The following RPS24 variants were observed in gnomAD, a reference collection of about 807,000 sequenced individuals.
RPS24 encodes small ribosomal subunit protein eS24.
For synonymous variants in RPS24, 72 were observed against 55.6 expected (o/e 1.30, Z -1.31); for missense variants, 100 against 162.5 (o/e 0.62, Z 2.09).
downstream of RPS24, among the ~76,000 whole-genome samples, chr10:78,045,441 C>T (rs1249250389): frequency 3.9e-5 from 6 of 152,062 alleles, no homozygotes; most frequent in South Asian, 2.1e-4. Flanking sequence ...GTCTGCTATC[C>T]GGGCTAGATG....
exon 5 of RPS24, chr10:78,055,124 C>T: frequency 7.0e-7 from 1 of 1,426,470 alleles, no homozygotes; most frequent in Non-Finnish European, 9.1e-7. Context: ...TGAGCTGGCA[C>T]CTCTGTTCAG....
chr10:78,040,687 T>C lies in RPS24; in HGVS notation c.*92T>C. ...ATTTTTCGCAAGAACATTAATAAAC[T>C]AAAAACTTCATGTGTCTGGTTGTTT... is the stretch of plus-strand genomic sequence containing the variant. On this transcript the variant is annotated 3_prime_UTR_variant, in exon 6 of 6. Transcript: ENST00000372360. 6.2e-7 allele frequency: 1 copy of C among 1,613,246 alleles called. No individual in the cohort carries two copies. The highest frequency in any genetic ancestry group is 8.5e-7 in the Non-Finnish European group (1 of 1,179,222).
intron 4 of RPS24, chr10:78,037,642 T>G: frequency 3.0e-6 from 1 of 330,068 alleles, no homozygotes; most frequent in Non-Finnish European, 5.8e-6. Flanking sequence ...GCGGATCCCA[T>G]TCCCTGTGAT....
chr10:78,039,324 C>G, intron 4 of RPS24: 1 of 152,194 alleles, frequency 6.6e-6, no homozygotes, highest in East Asian at 1.9e-4. Context: ...TTCATCCAGC[C>G]TTTGAGCCCT....
chr10:78,043,955 T>C (rs1172770147), downstream of RPS24, among the ~76,000 whole-genome samples: 2 of 138,788 alleles, frequency 1.4e-5, no homozygotes, highest in Non-Finnish European at 2.9e-5. Context: ...CCTACGTCAT[T>C]TACCTCCCTC....
chr10:78,045,694 G>C (rs538231055), downstream of RPS24, among the ~76,000 whole-genome samples: 1 of 151,874 alleles, frequency 6.6e-6, no homozygotes, highest in Non-Finnish European at 1.5e-5. Context: ...TGTTGGCCAG[G>C]CTGGGGGCTT....
downstream of RPS24, among the ~76,000 whole-genome samples, chr10:78,043,554 G>A (rs1405142626): frequency 2.0e-5 from 3 of 152,128 alleles, no homozygotes; most frequent in African/African-American, 7.2e-5. Context: ...TATTGAACAA[G>A]TGTTAGATGG....
intron 4 of RPS24, chr10:78,038,114 G>A: frequency 4.7e-6 from 2 of 425,804 alleles, no homozygotes; most frequent in Non-Finnish European, 8.1e-6. Flanking sequence ...TATTTAGGCT[G>A]GTGCAAAAGT....
downstream of RPS24, chr10:78,040,757 C>A: frequency 8.0e-7 from 1 of 1,242,508 alleles, no homozygotes; most frequent in Non-Finnish European, 1.2e-6. Context: ...GGTTAGTCTG[C>A]TGATTTCAGT....
At chr10:78,041,485 T>A (rs1847985744), downstream of RPS24, among the ~76,000 whole-genome samples, 1 of 152,190 alleles carries the variant, frequency 6.6e-6, no homozygotes, top group African/African-American at 2.4e-5. Context: ...CTGCTACTAC[T>A]TTGCTAGGAC....
At chr10:78,043,457 G>C (rs1433404354), downstream of RPS24, among the ~76,000 whole-genome samples, 1 of 152,150 alleles carries the variant, frequency 6.6e-6, no homozygotes, top group Non-Finnish European at 1.5e-5. Flanking sequence ...ATTTTTTCAG[G>C]CACTCCAGTA....
intron 4 of RPS24, among the ~76,000 whole-genome samples, chr10:78,045,925 C>A (rs1273653572): frequency 1.3e-5 from 2 of 151,940 alleles, no homozygotes; most frequent in African/African-American, 2.4e-5. Flanking sequence ...TTGCTTGAAC[C>A]CAGGAGGCGG....
chr10:78,052,330 T>A (rs773988065), intron 4 of RPS24, among the ~76,000 whole-genome samples: 1 of 152,104 alleles, frequency 6.6e-6, no homozygotes, highest in Non-Finnish European at 1.5e-5. Flanking sequence ...CCGGCTTAGT[T>A]CTTGGTTTTT....
exon 5 of RPS24, chr10:78,055,209 T>C: frequency 1.3e-6 from 1 of 783,922 alleles, no homozygotes; most frequent in Non-Finnish European, 1.7e-6. Flanking sequence ...CCCCACGACC[T>C]GGCCACTGGC....
At chr10:78,054,904 C>T (rs1848135902) in exon 5 of RPS24, 1 of 1,537,828 alleles carries the variant, frequency 6.5e-7, no homozygotes, top group Non-Finnish European at 8.8e-7. Flanking sequence ...TTGACTCTGT[C>T]ACCCCACATC....
chr10:78,050,295 C>CA (rs1385783204), intron 4 of RPS24, among the ~76,000 whole-genome samples: 1 of 152,164 alleles, frequency 6.6e-6, no homozygotes, highest in Non-Finnish European at 1.5e-5. Flanking sequence ...TGCCACTTCC[C>CA]AGGGACAAGA....
chr10:78,035,113 T>C (rs1174066514), intron 1 of RPS24, among the ~76,000 whole-genome samples: 1 of 152,214 alleles, frequency 6.6e-6, no homozygotes, highest in Non-Finnish European at 1.5e-5. Context: ...GAGATACACA[T>C]AACCTAGTGA....
At chr10:78,038,169 A>G (rs560504985) in intron 4 of RPS24, 2 of 275,158 alleles carry the variant, frequency 7.3e-6, no homozygotes, top group South Asian at 3.7e-5. Context: ...CCAACCTAAT[A>G]TGTTTTAAGA....
In RPS24 at chr10:78,047,516, G is replaced by A. The variant is rs929546625; in HGVS notation, c.391-7015G>A. On this transcript the variant is annotated intron_variant, in intron 4 of 4. Transcript: ENST00000440692. Reference sequence around the variant, plus strand: ...AGCGGTCTGCTTTGTTGTCAAGACCGCTACCCTTGTGGAAGCATGAAAAAA... The same window carrying A: ...AGCGGTCTGCTTTGTTGTCAAGACCACTACCCTTGTGGAAGCATGAAAAAA... Among the ~76,000 whole-genome samples the A allele has an allele frequency of 3.9e-5, 6 of 152,172 alleles. No individual in the cohort carries two copies. In the South Asian group the frequency reaches 8.3e-4, roughly 21 times the overall value.
Sources: gnomAD v4.1 joint callset for allele counts (sites outside exome capture counted in the v4.1 genomes callset) on GRCh38, gnomAD v4.1.1 for gene constraint, MANE v1.5 for transcripts, NCBI Gene and HGNC (gene_info 2026-07-23, HGNC 2026-07-21) for gene names.